Variants in APBA2 observed in about 807,000 individuals in gnomAD.
APBA2 encodes amyloid-beta A4 precursor protein-binding family A member 2.
A neutral mutation model predicts 75.0 loss-of-function variants in APBA2; 30 were observed. That is an observed-to-expected ratio of 0.40 (90% CI 0.30 to 0.54). The LOEUF is 0.54. APBA2 is among the 20% of genes least tolerant of loss of function. The pLI is 0.49. For missense variants in APBA2, 801 were observed against 1,016.1 expected (o/e 0.79, Z 2.88); for synonymous variants, 444 against 409.6 (o/e 1.08, Z -1.01).
intron 3 of APBA2, among the ~76,000 whole-genome samples, chr15:29,050,978 C>CA (rs11409865): frequency 0.33 from 50,039 of 152,038 alleles, 11,735 homozygotes; most frequent in African/African-American, 0.67. Context: ...GCCGTCCTGA[C>CA]GTCAAGACAT....
intron 1 of APBA2, among the ~76,000 whole-genome samples, chr15:28,905,698 T>C (rs2033098362): frequency 6.6e-6 from 1 of 152,162 alleles, no homozygotes; most frequent in Non-Finnish European, 1.5e-5. Flanking sequence ...GCTTGATATC[T>C]CTGTTTTAAA....
intron 13 of APBA2, among the ~76,000 whole-genome samples, chr15:29,111,619 C>T (rs1241554605): frequency 1.3e-5 from 2 of 152,116 alleles, no homozygotes; most frequent in Non-Finnish European, 2.9e-5. Context: ...CCCCCAGGTG[C>T]GGACCACACC....
chr15:29,079,186 C>T (rs2042980655), intron 6 of APBA2, among the ~76,000 whole-genome samples: 1 of 151,984 alleles, frequency 6.6e-6, no homozygotes, highest in African/African-American at 2.4e-5. Flanking sequence ...GCATGAGGCT[C>T]TTAGACCAGA....
chr15:29,093,203 G>T lies in APBA2; in HGVS notation c.1198G>T (p.Ala400Ser), dbSNP rs755317945. Residue 400 changes from alanine (A) to serine (S), a missense_variant, in exon 7 of 15, where the codon GCC becomes TCC. By Grantham distance (99) the Ala-to-Ser change is moderately conservative (BLOSUM62 1). Coordinates refer to ENST00000683413, the MANE Select transcript of APBA2 (RefSeq NM_001353788.2). ...CATCAGAATGATGCAAGCGCAGGAG[G>T]CCGTCAGCCGGGTCAAGGTAGAGGT... ...KNIRMMQAQEAVSRVKRMQKA... is the reference protein window; with the variant it reads ...KNIRMMQAQESVSRVKRMQKA... The T allele has an allele frequency of 1.2e-6, 2 of 1,614,110 alleles. No homozygotes were observed. The highest frequency in any genetic ancestry group is 3.3e-5 in the Admixed American group (2 of 60,016).
intron 3 of APBA2, among the ~76,000 whole-genome samples, chr15:29,010,181 C>A (rs990930464): frequency 6.6e-6 from 1 of 152,168 alleles, no homozygotes; most frequent in African/African-American, 2.4e-5. Flanking sequence ...TTGTGCTTTT[C>A]GAAACCTTCT....
intron 1 of APBA2, among the ~76,000 whole-genome samples, chr15:28,890,618 A>G (rs1216978494): frequency 3.9e-5 from 6 of 152,120 alleles, no homozygotes; most frequent in Non-Finnish European, 7.3e-5. Context: ...GGAGGTTGGA[A>G]AAGAGGATGG....
intron 2 of APBA2, among the ~76,000 whole-genome samples, chr15:28,960,576 G>C (rs2036415035): frequency 6.6e-6 from 1 of 151,986 alleles, no homozygotes; most frequent in East Asian, 1.9e-4. Context: ...GTCTGCGGGG[G>C]GCAGATGGAC....
intron 2 of APBA2, among the ~76,000 whole-genome samples, chr15:28,994,107 A>T (rs1255461534): frequency 6.6e-6 from 1 of 152,218 alleles, no homozygotes; most frequent in Non-Finnish European, 1.5e-5. Flanking sequence ...AGGACCGCAG[A>T]TGGCGAGCTT....
chr15:28,978,950 G>A, intron 2 of APBA2, among the ~76,000 whole-genome samples: 1 of 152,234 alleles, frequency 6.6e-6, no homozygotes, highest in East Asian at 1.9e-4. Flanking sequence ...CAGGTCAGGG[G>A]ACAAGAAGTT....
chr15:28,939,495 A>G (rs552956772), intron 2 of APBA2, among the ~76,000 whole-genome samples: 4 of 152,108 alleles, frequency 2.6e-5, no homozygotes, highest in South Asian at 4.1e-4. Context: ...AAGGGCTCCA[A>G]TTTCTCCACA....
chr15:28,939,178 T>C (rs1261115083), intron 2 of APBA2, among the ~76,000 whole-genome samples: 2 of 152,224 alleles, frequency 1.3e-5, no homozygotes, highest in Non-Finnish European at 2.9e-5. Flanking sequence ...CGTTGTGGCA[T>C]GCGTCAGAAT....
chr15:29,108,477 T>G (rs746322866), intron 13 of APBA2, 88 bp downstream of exon 13: 1 of 1,602,324 alleles, frequency 6.2e-7, no homozygotes, highest in Non-Finnish European at 8.5e-7. Flanking sequence ...GCAGGCTATG[T>G]CTGGCAGCCT....
intron 2 of APBA2, among the ~76,000 whole-genome samples, chr15:28,924,383 C>T (rs554545120): frequency 2.6e-5 from 4 of 152,294 alleles, no homozygotes; most frequent in East Asian, 3.9e-4. Flanking sequence ...TTTTCTTCAT[C>T]CCAGAGAGGA....
intron 3 of APBA2, among the ~76,000 whole-genome samples, chr15:29,022,499 C>T (rs56298819): frequency 0.36 from 55,003 of 151,810 alleles, 16,226 homozygotes; most frequent in African/African-American, 0.79. Context: ...TTGTGAATAG[C>T]GTAACTCAGG....
chr15:29,014,834 G>T (rs1203019864), intron 3 of APBA2, among the ~76,000 whole-genome samples: 1 of 151,836 alleles, frequency 6.6e-6, no homozygotes, highest in Non-Finnish European at 1.5e-5. Flanking sequence ...TGTCTCCTGA[G>T]TAGCTGGGCC....
At chr15:29,079,382 G>A (rs1424767079) in intron 6 of APBA2, among the ~76,000 whole-genome samples, 3 of 152,118 alleles carry the variant, frequency 2.0e-5, no homozygotes, top group East Asian at 1.9e-4. Flanking sequence ...TGGAGTAGAC[G>A]GCCCCATGTC....
intron 13 of APBA2, among the ~76,000 whole-genome samples, chr15:29,111,671 T>C (rs2044739498): frequency 6.6e-6 from 1 of 151,516 alleles, no homozygotes; most frequent in East Asian, 2.0e-4. Flanking sequence ...ATGGTGGGGG[T>C]TGAGGGTAGG....
intron 4 of APBA2, among the ~76,000 whole-genome samples, chr15:29,060,197 C>T (rs1418701199): frequency 2.6e-5 from 4 of 152,222 alleles, no homozygotes; most frequent in Admixed American, 6.5e-5. Flanking sequence ...GTGTAAAGTC[C>T]GTGGGTGCCG....
chr15:28,994,871 G>A (rs2038428039), intron 2 of APBA2, among the ~76,000 whole-genome samples: 1 of 152,176 alleles, frequency 6.6e-6, no homozygotes, highest in African/African-American at 2.4e-5. Flanking sequence ...GTCCAGCAGC[G>A]CAGCCATTCG....
Sources: gnomAD v4.1 joint callset for allele counts (sites outside exome capture counted in the v4.1 genomes callset) on GRCh38, gnomAD v4.1.1 for gene constraint, MANE v1.5 for transcripts, NCBI Gene and HGNC (gene_info 2026-07-23, HGNC 2026-07-21) for gene names.